CEP164: variants seen among roughly 807,000 people sequenced by gnomAD.
CEP164 encodes centrosomal protein 164.
In CEP164, 162 loss-of-function variants were observed where a neutral mutation model predicts 182.7. That is an observed-to-expected ratio of 0.89 (90% CI 0.78 to 1.01). The LOEUF (loss-of-function observed/expected upper bound fraction) is 1.01. CEP164 is among the 50% of genes least tolerant of loss of function. The pLI is 0.00. For missense variants in CEP164, 1,735 were observed against 1,790.4 expected, an observed-to-expected ratio of 0.97 and a Z score of 0.56; for synonymous variants, 661 against 690.0, an observed-to-expected ratio of 0.96 and a Z score of 0.66.
chr11:117,337,150 T>A (rs1454752403), intron 2 of CEP164, among the ~76,000 whole-genome samples: 1 of 152,066 alleles, frequency 6.6e-6, no homozygotes, highest in Non-Finnish European at 1.5e-5. Context: ...AGAAATCTCT[T>A]TTCTCATAGT....
Position 117,395,652 on chromosome 11 carries a change from C to T in CEP164, c.3019C>T (p.Arg1007Cys), listed in dbSNP as rs115387935. ...LREILDELQARKLKLESQVDL... is the reference protein window; with the variant it reads ...LREILDELQACKLKLESQVDL... Reference sequence around the variant, plus strand: ...AGAAATTCTTGATGAGCTGCAGGCCCGCAAGCTGAAGCTGGAGTCCCAAGT... The same window carrying T: ...AGAAATTCTTGATGAGCTGCAGGCCTGCAAGCTGAAGCTGGAGTCCCAAGT... Residue 1007 changes from arginine (R) to cysteine (C), a missense_variant, in exon 24 of 33, where the codon CGC becomes TGC. Arg to Cys is a radical substitution (Grantham distance 180). Coordinates refer to ENST00000278935, the MANE Select transcript of CEP164 (RefSeq NM_014956.5). The T allele has an allele frequency of 1.3e-4, 214 of 1,613,712 alleles. No homozygotes were observed. The African/African-American group carries it at 2.3e-3, about 17-fold the overall frequency.
chr11:117,332,120 G>A (rs914002753), intron 1 of CEP164, among the ~76,000 whole-genome samples: 12 of 151,596 alleles, frequency 7.9e-5, no homozygotes, highest in Non-Finnish European at 1.0e-4. Context: ...CACAACACCC[G>A]GCCTATTCCT....
chr11:117,323,781 C>A, upstream of CEP164: 1 of 266,684 alleles, frequency 3.7e-6, no homozygotes, highest in Non-Finnish European at 7.9e-6. Flanking sequence ...TTTATTGTAG[C>A]CATTTTAACT....
intron 11 of CEP164, among the ~76,000 whole-genome samples, chr11:117,376,736 G>T (rs963164026): frequency 6.6e-6 from 1 of 152,226 alleles, no homozygotes; most frequent in Non-Finnish European, 1.5e-5. Flanking sequence ...CTGGGCCACT[G>T]TCCAGCTACC....
At chr11:117,323,527 G>C (rs780816596), upstream of CEP164, among the ~76,000 whole-genome samples, 1 of 151,902 alleles carries the variant, frequency 6.6e-6, no homozygotes, top group Non-Finnish European at 1.5e-5. Flanking sequence ...TGCATATCTT[G>C]GGTAATGTAA....
chr11:117,328,771 C>T (rs1348058289), intron 1 of CEP164, among the ~76,000 whole-genome samples: 2 of 152,200 alleles, frequency 1.3e-5, no homozygotes, highest in African/African-American at 4.8e-5. Context: ...ATACAGCAAA[C>T]ATTTGTCGGA....
At position 117,381,888 on chromosome 11, in the gene CEP164, T is replaced by A; in HGVS notation, c.1577+20T>A. The stretch of plus-strand genomic sequence containing the variant: ...CCAGAGGTAAGGATGAGGGGAAGCA[T>A]CCTCATGAGGATGAGGGCTGGTGGC... On this transcript the variant is annotated intron_variant, in intron 13 of 32. Transcript: ENST00000278935. 3 of 1,446,688 alleles carry A rather than the reference T, an allele frequency of 2.1e-6. No individual in the cohort carries two copies. The highest frequency in any genetic ancestry group is 2.7e-6 in the Non-Finnish European group (3 of 1,095,316). The allele number at this position is 1,446,688 out of a possible 1,614,324, so 89.6% of individuals were successfully genotyped here.
At chr11:117,333,332 T>A (rs916081971) in intron 1 of CEP164, among the ~76,000 whole-genome samples, 2 of 151,956 alleles carry the variant, frequency 1.3e-5, no homozygotes, top group African/African-American at 4.8e-5. Flanking sequence ...ATTCTTAGAC[T>A]TCTCATCCTC....
chr11:117,377,155 AT>A (rs2042836067), intron 11 of CEP164, among the ~76,000 whole-genome samples: 1 of 150,096 alleles, frequency 6.7e-6, no homozygotes, highest in Non-Finnish European at 1.5e-5. Flanking sequence ...CCTTTTTGGC[AT>A]CAGGGACCAG....
At chr11:117,393,209 A>G (rs2044941610) in intron 20 of CEP164, 83 bp downstream of exon 20, 4 of 1,517,326 alleles carry the variant, frequency 2.6e-6, no homozygotes, top group East Asian at 5.0e-5. Context: ...GCACACACAC[A>G]TGCACGCACA....
intron 30 of CEP164, 127 bp downstream of exon 30, chr11:117,410,092 T>A (rs1400259011): frequency 2.2e-6 from 2 of 891,754 alleles, no homozygotes; most frequent in African/African-American, 3.3e-5. Flanking sequence ...GCCACACCTC[T>A]CCTCCCCCAA....
At chr11:117,376,303 T>C (rs2042736846) in intron 11 of CEP164, among the ~76,000 whole-genome samples, 1 of 152,220 alleles carries the variant, frequency 6.6e-6, no homozygotes, top group African/African-American at 2.4e-5. Context: ...TTGTTCCCTT[T>C]CTTTGCTCCG....
At chr11:117,399,872 G>T (rs1193131031) in intron 27 of CEP164, among the ~76,000 whole-genome samples, 1 of 152,080 alleles carries the variant, frequency 6.6e-6, no homozygotes, top group Non-Finnish European at 1.5e-5. Flanking sequence ...GTTCTTTGTA[G>T]ATTCTGGATA....
Position 117,391,308 on chromosome 11 carries a change from G to T in CEP164, c.2283+93G>T, listed in dbSNP as rs968872901. ...CACAAGGAGAAGAAGGGCAAGTCTC[G>T]GGTGGGCGTGCAGGCTGGGGAGCCA... On this transcript the variant is annotated intron_variant, in intron 17 of 32. Transcript: ENST00000278935. 17 of 1,247,652 alleles carry T rather than the reference G, an allele frequency of 1.4e-5. No homozygotes were observed. The African/African-American group carries it at 2.5e-4, about 19-fold the overall frequency. The allele number at this position is 1,247,652 out of a possible 1,614,324, so 77.3% of individuals were successfully genotyped here. A position where few individuals can be genotyped will look rare whatever the true frequency, so the allele number is the denominator to read the frequency against.
chr11:117,404,436 T>C (rs2046453511), intron 27 of CEP164, among the ~76,000 whole-genome samples: 1 of 152,210 alleles, frequency 6.6e-6, no homozygotes, highest in Non-Finnish European at 1.5e-5. Flanking sequence ...TGGAGTTTGC[T>C]GGAGGTCCAC....
Position 117,409,090 on chromosome 11 carries a change from A to G in CEP164, c.3748+62A>G. 6.2e-7 allele frequency: 1 copy of G among 1,604,060 alleles called. No homozygotes were observed. The highest frequency in any genetic ancestry group is 1.1e-5 in the South Asian group (1 of 89,980). ...CCATGGAATGGGAGGAACTTGGGGA[A>G]TAGAAGAAGAGCTCTCTTCCCTCAG... On this transcript the variant is annotated intron_variant, in intron 29 of 32. Transcript: ENST00000278935. The surrounding 1 kb of genome is among the most constrained non-coding windows in gnomAD (Gnocchi z 4.4).
At chr11:117,388,010 G>A (rs2044150684) in intron 15 of CEP164, among the ~76,000 whole-genome samples, 1 of 152,142 alleles carries the variant, frequency 6.6e-6, no homozygotes, top group African/African-American at 2.4e-5. Flanking sequence ...CCTCCACCAG[G>A]GAGCATCCCA....
chr11:117,406,415 G>C (rs2046681658), intron 27 of CEP164, among the ~76,000 whole-genome samples: 1 of 152,180 alleles, frequency 6.6e-6, no homozygotes, highest in African/African-American at 2.4e-5. Context: ...CACAACACAT[G>C]GGAATTGTGG....
At chr11:117,366,933 G>A (rs983228758) in intron 8 of CEP164, among the ~76,000 whole-genome samples, 3 of 152,194 alleles carry the variant, frequency 2.0e-5, no homozygotes, top group African/African-American at 7.2e-5. Flanking sequence ...TCCTCCTGCA[G>A]ATGGTAAAGT....
Sources: gnomAD v4.1 joint callset for allele counts (sites outside exome capture counted in the v4.1 genomes callset) on GRCh38, gnomAD v4.1.1 for gene constraint, Gnocchi (gnomAD v3.1) non-coding constraint, MANE v1.5 for transcripts, NCBI Gene and HGNC (gene_info 2026-07-23, HGNC 2026-07-21) for gene names.